Variants in PC observed in about 807,000 individuals in gnomAD.
The protein encoded by PC is pyruvate carboxylase, mitochondrial.
A neutral mutation model predicts 107.8 loss-of-function variants in PC; 46 were observed. The observed-to-expected ratio is 0.43, with a 90% CI of 0.34 to 0.55. The LOEUF is 0.55. Ranked by LOEUF, PC falls within the 20% of genes least tolerant of loss-of-function variation. The pLI, the probability that PC is intolerant of heterozygous loss-of-function variation, is 0.04. For synonymous variants in PC, 662 were observed against 684.7 expected, an observed-to-expected ratio of 0.97 and a Z score of 0.52; for missense variants, 1,241 against 1,643.1, an observed-to-expected ratio of 0.76 and a Z score of 4.23.
rs5792398 is a variant in PC at position 66,945,426 on chromosome 11, C to CG, written c.-1+7003dup. 3.5e-3 allele frequency among the ~76,000 whole-genome samples: 283 copies of CG among 81,830 alleles called. 86 individuals are homozygous for CG. The East Asian group carries it at 0.11, about 31-fold the overall frequency. 53.7% of individuals were successfully genotyped at this position (81,830 alleles called of 152,430 possible). ...ACTGAATTCAAATGGTTTGGGGGGG[C>CG]GGGTCGGAACTGCAGAGTTACATGA... is the stretch of plus-strand genomic sequence containing the variant. On this transcript the variant is annotated intron_variant, in intron 3 of 22. Coordinates refer to ENST00000393960, the MANE Select transcript of PC (RefSeq NM_001040716.2).
Position 66,941,821 on chromosome 11 carries a change from G to A in PC, c.-1+10609C>T, listed in dbSNP as rs895294703. On this transcript the variant is annotated intron_variant, in intron 3 of 22. Coordinates refer to ENST00000393960, the MANE Select transcript of PC (RefSeq NM_001040716.2). ...TCATTCAGCCTTAAAAAGAAATTCCGGCCAGGCGCAGTGGCTCACGCCTGT... is the reference window on the plus strand; with the variant it reads ...TCATTCAGCCTTAAAAAGAAATTCCAGCCAGGCGCAGTGGCTCACGCCTGT... Among the ~76,000 whole-genome samples the A allele has an allele frequency of 3.3e-5, 5 of 152,016 alleles. No homozygotes were observed. The South Asian group carries it at 6.2e-4, about 19-fold the overall frequency.
At chr11:66,934,016 G>A (rs1426656025) in intron 3 of PC, among the ~76,000 whole-genome samples, 2 of 152,108 alleles carry the variant, frequency 1.3e-5, no homozygotes, top group African/African-American at 4.8e-5. Context: ...ATCAATGCAG[G>A]CACAACCTCC....
intron 3 of PC, among the ~76,000 whole-genome samples, chr11:66,914,710 C>T (rs1002306119): frequency 5.9e-5 from 9 of 152,294 alleles, no homozygotes; most frequent in South Asian, 4.1e-4. Flanking sequence ...TTTCTGCCGT[C>T]GCCTCCAATT....
intron 12 of PC, chr11:66,860,332 G>A (rs776053966): frequency 1.5e-6 from 2 of 1,304,168 alleles, no homozygotes; most frequent in South Asian, 2.5e-5. Context: ...TGGAGGGGCA[G>A]GGAGCCCTTT....
In PC at chr11:66,860,743, G is replaced by A. The variant is rs961452699; in HGVS notation, c.1368+3031C>T. 2.1e-5 allele frequency: 15 copies of A among 699,600 alleles called. No homozygotes were observed. In the African/African-American group the frequency reaches 2.3e-4, roughly 11 times the overall value. 43.3% of individuals were successfully genotyped at this position (699,600 alleles called of 1,614,324 possible). A position where few individuals can be genotyped will look rare whatever the true frequency, so the allele number is the denominator to read the frequency against. On this transcript the variant is annotated intron_variant, in intron 12 of 22. Coordinates refer to ENST00000393960, the MANE Select transcript of PC (RefSeq NM_001040716.2). ...CAAAGAACGCCCCTTCCTGCCAGGT[G>A]GCGACAGGACGCCGTATCCAGTGTA...
At chr11:66,940,825 C>T (rs1448351120) in intron 3 of PC, among the ~76,000 whole-genome samples, 3 of 151,922 alleles carry the variant, frequency 2.0e-5, no homozygotes, top group South Asian at 4.2e-4. Context: ...CAGTGGCTCA[C>T]GCCTGTAATC....
chr11:66,906,573 G>A (rs2136059703), intron 3 of PC, among the ~76,000 whole-genome samples: 1 of 152,296 alleles, frequency 6.6e-6, no homozygotes, highest in East Asian at 1.9e-4. Flanking sequence ...ACTAAGCAGA[G>A]GGAAATAGAG....
At chr11:66,901,477 AT>A (rs1175993948) in intron 3 of PC, among the ~76,000 whole-genome samples, 2 of 150,488 alleles carry the variant, frequency 1.3e-5, no homozygotes, top group African/African-American at 2.4e-5. Flanking sequence ...CTATTTATTT[AT>A]TTTTTTTTGG....
At chr11:66,932,018 CAA>C (rs756391349) in intron 3 of PC, among the ~76,000 whole-genome samples, 13 of 59,328 alleles carry the variant, frequency 2.2e-4, no homozygotes, top group Admixed American at 2.0e-4. Flanking sequence ...GACTCTGTCT[CAA>C]AAAAAAAAAA....
intron 3 of PC, among the ~76,000 whole-genome samples, chr11:66,912,550 C>G (rs896047677): frequency 6.6e-6 from 1 of 152,170 alleles, no homozygotes; most frequent in Non-Finnish European, 1.5e-5. Context: ...GACTGACAGC[C>G]GTAAAGGGTG....
intron 3 of PC, among the ~76,000 whole-genome samples, chr11:66,918,449 C>T (rs1454935695): frequency 1.3e-5 from 2 of 151,330 alleles, no homozygotes; most frequent in African/African-American, 2.4e-5. Flanking sequence ...AGTGCAGTGG[C>T]GCAATCTTGG....
At chr11:66,859,649 C>G (rs1946116997) in intron 12 of PC, 2 of 1,612,962 alleles carry the variant, frequency 1.2e-6, no homozygotes, top group East Asian at 4.5e-5. Flanking sequence ...TTGTCCCAGC[C>G]TCCAGCCACC....
At chr11:66,955,165 C>T (rs1949530299) in intron 1 of PC, among the ~76,000 whole-genome samples, 1 of 152,196 alleles carries the variant, frequency 6.6e-6, no homozygotes, top group South Asian at 2.1e-4. Context: ...TCACCCAAAA[C>T]ACTCATTAGG....
rs1328517862 is a variant in PC, at chr11:66,852,795, T to G, written c.1555A>C (p.Lys519Gln). ...VNGPTTPIPV[K>Q]ASPSPTDPVV... ...GGGTCCGTGGGGCTGGGGCTGGCCT[T>G]GACGGGAATCGGGGTGGTTGGACCG... is the stretch of plus-strand genomic sequence containing the variant. Residue 519 changes from lysine (K) to glutamine (Q), a missense_variant, in exon 14 of 23, where the codon AAG becomes CAG. By Grantham distance (53) the Lys-to-Gln change is moderately conservative (BLOSUM62 1). This residue lies in a region of PC where 1,143 missense variants were observed against 1,551.9 expected (regional missense o/e 0.74). Transcript: ENST00000393960. This position sits in a 1 kb window ranked among gnomAD's most constrained non-coding sequence, Gnocchi z 4.7. 4.4e-6 allele frequency: 7 copies of G among 1,594,922 alleles called. No homozygotes were observed. Among genetic ancestry groups the G allele is most frequent in the Non-Finnish European group, 5.1e-6 (6 of 1,167,706 alleles).
At chr11:66,865,664 C>T (rs542599518) in intron 11 of PC, among the ~76,000 whole-genome samples, 2 of 152,298 alleles carry the variant, frequency 1.3e-5, no homozygotes, top group African/African-American at 2.4e-5. Context: ...TGCCATCTCG[C>T]GGCCCCGAAT....
rs751547597 is a variant in PC at position 66,878,649 on chromosome 11, C to T, written c.1-6490G>A. 4.7e-4 allele frequency among the ~76,000 whole-genome samples: 72 copies of T among 152,094 alleles called. 1 individual carries two copies. The highest frequency in any genetic ancestry group is 2.6e-3 in the Admixed American group (39 of 15,284). On this transcript the variant is annotated intron_variant, in intron 3 of 22. Coordinates refer to ENST00000393960, the MANE Select transcript of PC (RefSeq NM_001040716.2). ...ACCAAGAGCCGGAGGCTGTGGGCAG[C>T]GGGGGGCACAGGAATGCCTCCGTGA...
intron 3 of PC, among the ~76,000 whole-genome samples, chr11:66,943,406 C>T (rs1949196940): frequency 6.6e-6 from 1 of 152,194 alleles, no homozygotes; most frequent in Admixed American, 6.5e-5. Context: ...TCTGCTGCTG[C>T]CTTGATCTTG....
intron 3 of PC, among the ~76,000 whole-genome samples, chr11:66,939,673 G>A (rs527369015): frequency 5.6e-4 from 85 of 151,950 alleles, no homozygotes; most frequent in African/African-American, 2.0e-3. Flanking sequence ...GTGTGGTGGC[G>A]CATGCCTGTA....
rs375052824 is a variant in PC at position 66,871,879 on chromosome 11, G to T, written c.137-8C>A. 6.2e-7 allele frequency: 1 copy of T among 1,606,640 alleles called. No individual in the cohort carries two copies. The highest frequency in any genetic ancestry group is 8.5e-7 in the Non-Finnish European group (1 of 1,179,286). On this transcript the variant is annotated splice_polypyrimidine_tract_variant and splice_region_variant and intron_variant, in intron 4 of 22. Coordinates refer to ENST00000393960, the MANE Select transcript of PC (RefSeq NM_001040716.2). The surrounding 1 kb of genome is among the most constrained non-coding windows in gnomAD (Gnocchi z 7.4). ...CACGGATGGCAATCTCACCTAGAGG[G>T]CAAAGAAACAAGAAGTTAGATTCCT...
Sources: gnomAD v4.1 joint callset for allele counts (sites outside exome capture counted in the v4.1 genomes callset) on GRCh38, gnomAD v4.1.1 for gene constraint, gnomAD v4.1.1 regional missense constraint, Gnocchi (gnomAD v3.1) non-coding constraint, MANE v1.5 for transcripts, NCBI Gene and HGNC (gene_info 2026-07-23, HGNC 2026-07-21) for gene names.